LRRC3B: variants seen among roughly 807,000 people sequenced by gnomAD.
The protein encoded by LRRC3B is leucine-rich repeat-containing protein 3B.
A neutral mutation model predicts 12.8 loss-of-function variants in LRRC3B; 2 were observed. The observed-to-expected ratio is 0.16, with a 90% CI of 0.06 to 0.49. The LOEUF (loss-of-function observed/expected upper bound fraction) is 0.49, where lower values mean the gene tolerates loss of function less well. Ranked by LOEUF, LRRC3B falls within the 20% of genes least tolerant of loss-of-function variation. The probability of loss-of-function intolerance (pLI) is 0.96; values close to 1 mark genes in which losing one functional copy is unlikely to be tolerated. For missense variants in LRRC3B, 189 were observed against 319.4 expected, an observed-to-expected ratio of 0.59 and a Z score of 3.11; for synonymous variants, 132 against 122.0, an observed-to-expected ratio of 1.08 and a Z score of -0.54.
intron 1 of LRRC3B, among the ~76,000 whole-genome samples, chr3:26,703,661 T>G (rs112553906): frequency 6.6e-6 from 1 of 151,664 alleles, no homozygotes; most frequent in African/African-American, 2.4e-5. Flanking sequence ...CTTGGCTGAT[T>G]TGGGCTGTTT....
At chr3:26,697,046 G>A (rs1452372587) in intron 1 of LRRC3B, among the ~76,000 whole-genome samples, 1 of 152,132 alleles carries the variant, frequency 6.6e-6, no homozygotes, top group African/African-American at 2.4e-5. Flanking sequence ...CAGGTACTTA[G>A]TTGCAGCAAA....
intron 1 of LRRC3B, among the ~76,000 whole-genome samples, chr3:26,636,898 CTCTCTTTCTCTCTT>C (rs1698895857): frequency 1.0e-5 from 1 of 97,668 alleles, no homozygotes; most frequent in African/African-American, 5.0e-5. Context: ...TTCTCTCTCT[CTCTCTTTCTCTCTT>C]TCTCTCTTTC....
chr3:26,677,671 C>T, intron 1 of LRRC3B, among the ~76,000 whole-genome samples: 1 of 152,302 alleles, frequency 6.6e-6, no homozygotes, highest in African/African-American at 2.4e-5. Context: ...CACATGTATA[C>T]ATATAACACA....
Position 26,678,386 on chromosome 3 carries a change from C to T in LRRC3B, c.-160-31127C>T, listed in dbSNP as rs560466622. 1.8e-4 allele frequency among the ~76,000 whole-genome samples: 27 copies of T among 151,974 alleles called. 2 individuals carry two copies. The South Asian group carries it at 4.6e-3, about 26-fold the overall frequency. On this transcript the variant is annotated intron_variant, in intron 1 of 1. Transcript: ENST00000396641. ...GCACATGCCTGTAATCCCAGCTACT[C>T]GGGAGGCTGAGGTAGGAGAATAGCT...
intron 1 of LRRC3B, among the ~76,000 whole-genome samples, chr3:26,661,495 G>A (rs572789999): frequency 3.3e-5 from 5 of 152,126 alleles, no homozygotes; most frequent in Admixed American, 3.3e-4. Context: ...TACTATATGG[G>A]TAATTGTATA....
At chr3:26,705,853 A>G (rs553322349) in intron 1 of LRRC3B, among the ~76,000 whole-genome samples, 2 of 152,270 alleles carry the variant, frequency 1.3e-5, no homozygotes, top group East Asian at 3.9e-4. Context: ...ATATAAAGCA[A>G]TGTCAAACTG....
intron 1 of LRRC3B, among the ~76,000 whole-genome samples, chr3:26,636,969 T>TCTTTCTTC (rs1698912073): frequency 1.7e-5 from 2 of 120,444 alleles, no homozygotes; most frequent in Non-Finnish European, 1.7e-5. Flanking sequence ...TTTCTTTCTT[T>TCTTTCTTC]CTTTCTCTCT....
At chr3:26,688,680 G>A (rs559744392) in intron 1 of LRRC3B, among the ~76,000 whole-genome samples, 1 of 152,212 alleles carries the variant, frequency 6.6e-6, no homozygotes, top group East Asian at 1.9e-4. Context: ...ACAGCACCAA[G>A]GGGATGGTGC....
intron 1 of LRRC3B, among the ~76,000 whole-genome samples, chr3:26,675,905 A>C (rs2125437003): frequency 6.6e-6 from 1 of 152,068 alleles, no homozygotes; most frequent in South Asian, 2.1e-4. Context: ...TTGGTAAAAT[A>C]AAATGTGGGA....
At chr3:26,648,910 C>T (rs1412002336) in intron 1 of LRRC3B, among the ~76,000 whole-genome samples, 1 of 152,190 alleles carries the variant, frequency 6.6e-6, no homozygotes, top group Non-Finnish European at 1.5e-5. Flanking sequence ...GCTTACATTC[C>T]TCCCTTGAGG....
At chr3:26,708,257 ACAAAATGCAG>A (rs1410086416) in intron 1 of LRRC3B, among the ~76,000 whole-genome samples, 1 of 152,218 alleles carries the variant, frequency 6.6e-6, no homozygotes, top group Non-Finnish European at 1.5e-5. Flanking sequence ...TGGGTTCCCT[ACAAAATGCAG>A]AGGGACCCCT....
chr3:26,702,213 G>T (rs758276825), intron 1 of LRRC3B, among the ~76,000 whole-genome samples: 7 of 152,156 alleles, frequency 4.6e-5, no homozygotes, highest in African/African-American at 7.2e-5. Flanking sequence ...TATAGTAAAG[G>T]CTGGAATATT....
exon 2 of LRRC3B, chr3:26,709,806 G>T (rs566309719): frequency 9.3e-6 from 15 of 1,614,068 alleles, no homozygotes; most frequent in South Asian, 5.5e-5. Context: ...TCCTCTGGGG[G>T]TTTAAATGTC....
At chr3:26,684,590 C>T (rs140573695) in intron 1 of LRRC3B, among the ~76,000 whole-genome samples, 3 of 152,284 alleles carry the variant, frequency 2.0e-5, no homozygotes, top group East Asian at 3.9e-4. Context: ...TGCAAGGGCC[C>T]TCTTGCTGCA....
chr3:26,705,249 A>G (rs1314307735), intron 1 of LRRC3B, among the ~76,000 whole-genome samples: 1 of 152,182 alleles, frequency 6.6e-6, no homozygotes, highest in East Asian at 1.9e-4. Context: ...GCTGATGCGC[A>G]GTAACCTGGA....
intron 1 of LRRC3B, among the ~76,000 whole-genome samples, chr3:26,677,888 C>T (rs1699893406): frequency 6.6e-6 from 1 of 152,100 alleles, no homozygotes. Context: ...GCAGCCTTGA[C>T]CTCCTGGGCT....
chr3:26,633,523 C>T (rs1698804090), intron 1 of LRRC3B, among the ~76,000 whole-genome samples: 1 of 152,140 alleles, frequency 6.6e-6, no homozygotes, highest in Non-Finnish European at 1.5e-5. Context: ...GTTTGTAAAA[C>T]AAGCATAAGA....
At chr3:26,644,012 G>A (rs1699089940) in intron 1 of LRRC3B, among the ~76,000 whole-genome samples, 2 of 152,208 alleles carry the variant, frequency 1.3e-5, no homozygotes, top group African/African-American at 4.8e-5. Flanking sequence ...CCACTGCGGT[G>A]TGAAAGGTGA....
At chr3:26,687,396 T>C (rs1250131328) in intron 1 of LRRC3B, among the ~76,000 whole-genome samples, 1 of 152,244 alleles carries the variant, frequency 6.6e-6, no homozygotes, top group East Asian at 1.9e-4. Flanking sequence ...TTGCTCTAAA[T>C]ATGTTCTAAG....
Sources: gnomAD v4.1 joint callset for allele counts (sites outside exome capture counted in the v4.1 genomes callset) on GRCh38, gnomAD v4.1.1 for gene constraint, MANE v1.5 for transcripts, NCBI Gene and HGNC (gene_info 2026-07-23, HGNC 2026-07-21) for gene names.